The following POGLUT2 variants were observed in gnomAD, a reference collection of about 807,000 sequenced individuals.
POGLUT2 encodes the protein protein O-glucosyltransferase 2, also known as ER protein 58.
A neutral mutation model predicts 57.6 loss-of-function variants in POGLUT2; 47 were observed. The ratio of observed to expected loss-of-function variants is 0.82; its 90% CI spans 0.65 to 1.04. POGLUT2 has a LOEUF of 1.04. Ranked by LOEUF, POGLUT2 falls within the 50% of genes least tolerant of loss-of-function variation. The pLI is 0.00. For missense variants in POGLUT2, 565 were observed against 614.8 expected (o/e 0.92, Z 0.86); for synonymous variants, 200 against 218.8 (o/e 0.91, Z 0.76).
rs1202527221 is a variant in POGLUT2 at position 102,796,696 on chromosome 13, A to AT, written c.388+107_388+108insA. On this transcript the variant is annotated intron_variant, in intron 2 of 9. Coordinates refer to ENST00000376004, the MANE Select transcript of POGLUT2 (RefSeq NM_024089.3). ...TTCTTCTTTCAGTAAAAAAAAAAAA[A>AT]AAAATATATATATATATATATATAT... 108 of 142,342 alleles carry AT rather than the reference A, an allele frequency of 7.6e-4. No homozygotes were observed. In the South Asian group the frequency reaches 0.01, roughly 14 times the overall value. The allele number at this position is 142,342 out of a possible 1,614,324, so 8.8% of individuals were successfully genotyped here. A position where few individuals can be genotyped will look rare whatever the true frequency, so the allele number is the denominator to read the frequency against.
intron 6 of POGLUT2, 55 bp from the exon 7 acceptor site, chr13:102,789,276 C>G: frequency 7.0e-7 from 1 of 1,421,134 alleles, no homozygotes; most frequent in Non-Finnish European, 9.9e-7. Flanking sequence ...TTTCTCCACT[C>G]TATTCTCCTT....
intron 8 of POGLUT2, among the ~76,000 whole-genome samples, chr13:102,786,973 A>G (rs548177001): frequency 6.6e-6 from 1 of 152,278 alleles, no homozygotes; most frequent in African/African-American, 2.4e-5. Context: ...ACTGTGAGAT[A>G]AAACTCTTAC....
At chr13:102,788,388 C>G (rs1878035519) in intron 7 of POGLUT2, among the ~76,000 whole-genome samples, 1 of 152,244 alleles carries the variant, frequency 6.6e-6, no homozygotes, top group South Asian at 2.1e-4. Context: ...ACAATTTTCA[C>G]ATTGCTAGCG....
intron 8 of POGLUT2, among the ~76,000 whole-genome samples, chr13:102,786,552 A>T (rs1877952334): frequency 6.6e-6 from 1 of 151,360 alleles, no homozygotes; most frequent in African/African-American, 2.4e-5. Flanking sequence ...TTCCTAACAG[A>T]CACCTCTTTA....
At chr13:102,796,363 G>T (rs977771144) in intron 2 of POGLUT2, among the ~76,000 whole-genome samples, 1 of 149,382 alleles carries the variant, frequency 6.7e-6, no homozygotes, top group Non-Finnish European at 1.5e-5. Context: ...TGGGAAAATG[G>T]CATTGGAACA....
chr13:102,788,043 G>A (rs989659459), intron 7 of POGLUT2, 120 bp from the exon 8 acceptor site: 36 of 556,418 alleles, frequency 6.5e-5, no homozygotes, highest in African/African-American at 5.9e-4. Flanking sequence ...ATATCTTTGG[G>A]GGTAGTCTCA....
At chr13:102,785,236 T>G (rs528284744) in intron 9 of POGLUT2, among the ~76,000 whole-genome samples, 1 of 152,204 alleles carries the variant, frequency 6.6e-6, no homozygotes, top group Admixed American at 6.5e-5. Context: ...TTAACTAGTA[T>G]GCAAAATTCC....
intron 9 of POGLUT2, among the ~76,000 whole-genome samples, chr13:102,785,827 A>G (rs989298391): frequency 2.0e-5 from 3 of 152,236 alleles, no homozygotes; most frequent in African/African-American, 7.2e-5. Context: ...GAATTGGAAA[A>G]CATTAATAAT....
chr13:102,797,823 A>G (rs992894175), intron 1 of POGLUT2, among the ~76,000 whole-genome samples: 4 of 152,130 alleles, frequency 2.6e-5, no homozygotes, highest in African/African-American at 9.7e-5. Flanking sequence ...AACAAAATTT[A>G]CAACCTGCCT....
intron 2 of POGLUT2, 152 bp from the exon 3 acceptor site, chr13:102,793,958 C>T: frequency 1.4e-6 from 1 of 719,086 alleles, no homozygotes. Flanking sequence ...GAATTACAGG[C>T]CAGCAAGGTT....
rs551306722 is a variant in POGLUT2 at position 102,788,547 on chromosome 13, T to C, written c.1293+465A>G. 1.4e-4 allele frequency among the ~76,000 whole-genome samples: 21 copies of C among 152,252 alleles called. No homozygotes were observed. The South Asian group carries it at 4.1e-3, about 30-fold the overall frequency. ...TGTTGCCCAGGCTGGAGTGCAATGG[T>C]GTGGTCTCGGCTCACTGCAACCTCC... On this transcript the variant is annotated intron_variant, in intron 7 of 9. Transcript: ENST00000376004.
At chr13:102,792,181 A>G (rs1221120075) in intron 4 of POGLUT2, 3 of 886,578 alleles carry the variant, frequency 3.4e-6, no homozygotes, top group Non-Finnish European at 4.1e-6. Flanking sequence ...AAATCTTGAA[A>G]AAAAGGCATT....
chr13:102,787,808 T>G, intron 8 of POGLUT2, 26 bp downstream of exon 8: 1 of 1,289,396 alleles, frequency 7.8e-7, no homozygotes, highest in African/African-American at 1.5e-5. Context: ...ATAAGTTACG[T>G]GATGATTTTC....
intron 8 of POGLUT2, among the ~76,000 whole-genome samples, chr13:102,786,730 C>T (rs1877958734): frequency 6.6e-6 from 1 of 152,148 alleles, no homozygotes; most frequent in Non-Finnish European, 1.5e-5. Context: ...TTATCATGTG[C>T]TTACTCTGAG....
At chr13:102,795,049 C>G (rs370289144) in intron 2 of POGLUT2, among the ~76,000 whole-genome samples, 7 of 148,830 alleles carry the variant, frequency 4.7e-5, no homozygotes, top group Admixed American at 4.0e-4. Flanking sequence ...GTCAGGAGAT[C>G]GAGACCATCC....
intron 7 of POGLUT2, among the ~76,000 whole-genome samples, chr13:102,788,515 T>G (rs1878041258): frequency 1.3e-5 from 2 of 152,186 alleles, no homozygotes; most frequent in Non-Finnish European, 2.9e-5. Flanking sequence ...AGACGGAGTT[T>G]TGCTCTTGTT....
Position 102,791,032 on chromosome 13 carries a change from C to G in POGLUT2, c.952G>C (p.Glu318Gln). The change falls in exon 6 of 10, where the codon GAG (glutamate) becomes CAG (glutamine). Residue 318 changes from glutamate (E) to glutamine (Q), a missense_variant. Glu to Gln is a conservative substitution (Grantham distance 29, BLOSUM62 2). Coordinates refer to ENST00000376004, the MANE Select transcript of POGLUT2 (RefSeq NM_024089.3). ...RGRDSRKERL[E>Q]LVKLSRKHPE... ...TGTTTTCTACTGAGTTTAACCAGCT[C>G]GAGTCTCTCTTTGCGGCTGTCTCGC... is the stretch of plus-strand genomic sequence containing the variant. 2 of 1,614,138 alleles carry G rather than the reference C, an allele frequency of 1.2e-6. No individual in the cohort carries two copies. Among genetic ancestry groups the G allele is most frequent in the East Asian group, 4.5e-5 (2 of 44,890 alleles).
chr13:102,785,568 C>A (rs1302359620), intron 9 of POGLUT2, among the ~76,000 whole-genome samples: 1 of 151,996 alleles, frequency 6.6e-6, no homozygotes, highest in African/African-American at 2.4e-5. Context: ...CACACTATAG[C>A]TTTATATACA....
intron 6 of POGLUT2, among the ~76,000 whole-genome samples, chr13:102,789,676 C>A (rs969049167): frequency 1.3e-5 from 2 of 152,220 alleles, no homozygotes; most frequent in Non-Finnish European, 1.5e-5. Context: ...CAGCTCACTG[C>A]AACTTCCACC....
Sources: allele counts gnomAD v4.1 joint callset (sites outside exome capture counted in the v4.1 genomes callset), GRCh38; gene constraint gnomAD v4.1.1; transcripts MANE v1.5; gene names NCBI Gene and HGNC (gene_info 2026-07-23, HGNC 2026-07-21).